EPAS1: variants seen among roughly 807,000 people sequenced by gnomAD.
EPAS1 encodes the protein endothelial PAS domain-containing protein 1.
Under a neutral mutation model 87.9 loss-of-function variants are expected in EPAS1, and 23 were observed. The ratio of observed to expected loss-of-function variants is 0.26; its 90% CI spans 0.19 to 0.37. The LOEUF is 0.37. Among genes scored for constraint, EPAS1 ranks in the 10% least tolerant of loss-of-function variants. EPAS1 has a pLI of 1.00. For missense variants in EPAS1, 1,138 were observed against 1,120.7 expected (o/e 1.02, Z -0.22); for synonymous variants, 508 against 444.3 (o/e 1.14, Z -1.80).
At chr2:46,363,419 G>T (rs760950276) in intron 6 of EPAS1, among the ~76,000 whole-genome samples, 3 of 152,172 alleles carry the variant, frequency 2.0e-5, no homozygotes, top group Non-Finnish European at 2.9e-5. Context: ...TTTTTTTTAA[G>T]CTTAAGATTT....
intron 1 of EPAS1, among the ~76,000 whole-genome samples, chr2:46,305,067 T>G (rs1683082221): frequency 6.6e-6 from 1 of 152,210 alleles, no homozygotes; most frequent in Admixed American, 6.5e-5. Flanking sequence ...GCAAGCCGTG[T>G]TGGCAACTGT....
rs1447113711 is a variant in EPAS1 at position 46,380,507 on chromosome 2, G to A, written c.1835G>A (p.Gly612Glu). 1 of 1,614,176 alleles carries A rather than the reference G, an allele frequency of 6.2e-7. No homozygotes were observed. The highest frequency in any genetic ancestry group is 1.1e-5 in the South Asian group (1 of 91,080). Reference sequence around the variant, plus strand: ...ATGTCCTCCATCTTCTTTGATGCCGGAAGCAAAGCATCCCTGCCACCGTGC... The same window carrying A: ...ATGTCCTCCATCTTCTTTGATGCCGAAAGCAAAGCATCCCTGCCACCGTGC... ...RPMSSIFFDA[G>E]SKASLPPCCG... Residue 612 changes from glycine to glutamate, a missense_variant, in exon 12 of 16, where the codon GGA becomes GAA. Physicochemically the swap from Gly to Glu is moderately conservative, Grantham distance 98. Coordinates refer to ENST00000263734, the MANE Select transcript of EPAS1 (RefSeq NM_001430.5). This position sits in a 1 kb window ranked among gnomAD's most constrained non-coding sequence, Gnocchi z 4.4.
chr2:46,380,352 C>A lies in EPAS1; in HGVS notation c.1680C>A (p.Pro560=), dbSNP rs139561166. Residue 560 remains proline, a synonymous_variant, in exon 12 of 16, where the codon CCC becomes CCA. Coordinates refer to ENST00000263734, the MANE Select transcript of EPAS1 (RefSeq NM_001430.5). The surrounding 1 kb of genome is among the most constrained non-coding windows in gnomAD (Gnocchi z 4.4). ...TGGCGGAGAACCCACAGTCCACCCC[C>A]CAGCACTGCTTCAGTGCCATGACAA... ...RLLAENPQST[P]QHCFSAMTNI... 1.2e-6 allele frequency: 2 copies of A among 1,614,082 alleles called. No homozygotes were observed. The highest frequency in any genetic ancestry group is 2.7e-5 in the African/African-American group (2 of 74,918).
At chr2:46,303,203 C>T (rs1298243328) in intron 1 of EPAS1, among the ~76,000 whole-genome samples, 1 of 152,188 alleles carries the variant, frequency 6.6e-6, no homozygotes, top group Non-Finnish European at 1.5e-5. Flanking sequence ...CTCCCCAACA[C>T]ACACATAAGC....
At chr2:46,376,370 C>G (rs759513360) in intron 8 of EPAS1, among the ~76,000 whole-genome samples, 169 bp from the exon 9 acceptor site, 1 of 152,190 alleles carries the variant, frequency 6.6e-6, no homozygotes, top group Non-Finnish European at 1.5e-5. Context: ...TTGTCACTAC[C>G]TCCATGGCTC....
chr2:46,314,881 G>C (rs1468467818), intron 1 of EPAS1, among the ~76,000 whole-genome samples: 1 of 152,206 alleles, frequency 6.6e-6, no homozygotes, highest in Non-Finnish European at 1.5e-5. Flanking sequence ...GTGGGCTGGG[G>C]TACGAGAAGG....
At chr2:46,322,857 C>T (rs1683478782) in intron 1 of EPAS1, among the ~76,000 whole-genome samples, 1 of 152,242 alleles carries the variant, frequency 6.6e-6, no homozygotes, top group Non-Finnish European at 1.5e-5. Flanking sequence ...AATCACAGCA[C>T]CTCTGAGCCC....
At chr2:46,329,420 C>A (rs1054645067) in intron 1 of EPAS1, among the ~76,000 whole-genome samples, 1 of 152,156 alleles carries the variant, frequency 6.6e-6, no homozygotes, top group African/African-American at 2.4e-5. Flanking sequence ...GGGAAGCTGG[C>A]AGCAAAAAGG....
At chr2:46,332,978 C>G (rs902379738) in intron 1 of EPAS1, among the ~76,000 whole-genome samples, 95 of 152,294 alleles carry the variant, frequency 6.2e-4, no homozygotes, top group African/African-American at 2.2e-3. Flanking sequence ...TCAGTGAGAG[C>G]TGACTAGCAG....
chr2:46,356,127 T>TGGGGGGGGGGGGGGGGGGGGGGGGG, intron 2 of EPAS1, 24 bp from the exon 3 acceptor site: 48 of 1,395,332 alleles, frequency 3.4e-5, no homozygotes, highest in Non-Finnish European at 4.1e-5. Flanking sequence ...TCATGCAAGC[T>TGGGGGGGGGGGGGGGGGGGGGGGGG]GTCCCACCCC....
At position 46,378,783 on chromosome 2, in the gene EPAS1, G is replaced by C. The variant is rs369159349; in HGVS notation, c.1554+16G>C. 1.2e-6 allele frequency: 2 copies of C among 1,601,478 alleles called. No individual in the cohort carries two copies. Among genetic ancestry groups the C allele is most frequent in the Non-Finnish European group, 1.7e-6 (2 of 1,168,486 alleles). On this transcript the variant is annotated intron_variant, in intron 11 of 15. Transcript: ENST00000263734. ...CAGTACCCAGGTAGATGGCTGTGGA[G>C]ATCAGGCTAGGGTGTGTGCCTGCTG... is the stretch of plus-strand genomic sequence containing the variant.
chr2:46,373,221 A>T (rs572534507), intron 7 of EPAS1, among the ~76,000 whole-genome samples: 1 of 152,348 alleles, frequency 6.6e-6, no homozygotes, highest in Non-Finnish European at 1.5e-5. Context: ...TTTTGGAAAT[A>T]ATTTGGCAGC....
intron 1 of EPAS1, among the ~76,000 whole-genome samples, chr2:46,303,155 A>T (rs989305823): frequency 6.6e-6 from 1 of 152,228 alleles, no homozygotes; most frequent in African/African-American, 2.4e-5. Flanking sequence ...GAAGCAAAAG[A>T]TAAGCTCTGA....
chr2:46,306,207 A>C (rs149697904), intron 1 of EPAS1, among the ~76,000 whole-genome samples: 1 of 152,360 alleles, frequency 6.6e-6, no homozygotes, highest in African/African-American at 2.4e-5. Flanking sequence ...TTGTATTAGT[A>C]TAGTATTAAA....
At position 46,375,076 on chromosome 2, in the gene EPAS1, G is replaced by T. The variant is rs1182779271; in HGVS notation, c.887-614G>T. Among the ~76,000 whole-genome samples the T allele has an allele frequency of 6.6e-6, 1 of 151,804 alleles. No homozygotes were observed. The highest frequency in any genetic ancestry group is 1.5e-5 in the Non-Finnish European group (1 of 67,964). ...TTGCTGTGGGTCACAAACCTTCAGTGGCCCAAAAGGTGGCAAGCCTGACAG... is the reference window on the plus strand; with the variant it reads ...TTGCTGTGGGTCACAAACCTTCAGTTGCCCAAAAGGTGGCAAGCCTGACAG... On this transcript the variant is annotated intron_variant, in intron 7 of 15. Coordinates refer to ENST00000263734, the MANE Select transcript of EPAS1 (RefSeq NM_001430.5). The surrounding 1 kb of genome is among the most constrained non-coding windows in gnomAD (Gnocchi z 4.1).
In EPAS1 at chr2:46,380,498, T is replaced by C; in HGVS notation, c.1826T>C (p.Phe609Ser). The change falls in exon 12 of 16, where the codon TTT (phenylalanine) becomes TCT (serine). Residue 609 changes from phenylalanine (F) to serine (S), a missense_variant. Physicochemically the swap from Phe to Ser is radical, Grantham distance 155. Transcript: ENST00000263734. This position sits in a 1 kb window ranked among gnomAD's most constrained non-coding sequence, Gnocchi z 4.4. ...CACCGGCCCATGTCCTCCATCTTCTTTGATGCCGGAAGCAAAGCATCCCTG... is the reference window on the plus strand; with the variant it reads ...CACCGGCCCATGTCCTCCATCTTCTCTGATGCCGGAAGCAAAGCATCCCTG... ...PEHRPMSSIFFDAGSKASLPP... is the reference protein window; with the variant it reads ...PEHRPMSSIFSDAGSKASLPP... The C allele has an allele frequency of 1.2e-6, 2 of 1,614,174 alleles. No individual in the cohort carries two copies. Among genetic ancestry groups the C allele is most frequent in the Non-Finnish European group, 8.5e-7 (1 of 1,180,028 alleles).
At chr2:46,382,629 C>T (rs917328847) in intron 15 of EPAS1, 31 bp downstream of exon 15, 18 of 1,613,384 alleles carry the variant, frequency 1.1e-5, no homozygotes, top group Non-Finnish European at 1.4e-5. Flanking sequence ...TCACCCCCAT[C>T]CCAGGATTCG....
Position 46,361,012 on chromosome 2 carries a change from A to C in EPAS1, c.701A>C (p.His234Pro). 6.2e-7 allele frequency: 1 copy of C among 1,614,062 alleles called. No individual in the cohort carries two copies. The highest frequency in any genetic ancestry group is 8.5e-7 in the Non-Finnish European group (1 of 1,179,994). ...IMCEPIQHPS[H>P]MDIPLDSKTF... ...TGTGAACCAATCCAGCACCCATCCCACATGGACATCCCCCTGGATAGCAAG... is the reference window on the plus strand; with the variant it reads ...TGTGAACCAATCCAGCACCCATCCCCCATGGACATCCCCCTGGATAGCAAG... The change falls in exon 6 of 16, where the codon CAC (histidine) becomes CCC (proline). Residue 234 changes from histidine to proline, a missense_variant. This residue lies in a region of EPAS1 where 351 missense variants were observed against 417.1 expected (regional missense o/e 0.84). Transcript: ENST00000263734.
intron 1 of EPAS1, among the ~76,000 whole-genome samples, chr2:46,303,961 A>G (rs1683059987): frequency 6.6e-6 from 1 of 152,202 alleles, no homozygotes; most frequent in African/African-American, 2.4e-5. Flanking sequence ...CCGTCCACCT[A>G]CATGTCTGCC....
Sources: gnomAD v4.1 joint callset for allele counts (sites outside exome capture counted in the v4.1 genomes callset) on GRCh38, gnomAD v4.1.1 for gene constraint, gnomAD v4.1.1 regional missense constraint, Gnocchi (gnomAD v3.1) non-coding constraint, MANE v1.5 for transcripts, NCBI Gene and HGNC (gene_info 2026-07-23, HGNC 2026-07-21) for gene names.